EPHX1: variants seen among roughly 807,000 people sequenced by gnomAD.
EPHX1 encodes epoxide hydratase.
Under a neutral mutation model 43.2 loss-of-function variants are expected in EPHX1, and 40 were observed. That is an observed-to-expected ratio of 0.93 (90% CI 0.72 to 1.21). The LOEUF (loss-of-function observed/expected upper bound fraction) is 1.21. Ranked by LOEUF, EPHX1 falls within the 50% of genes most tolerant of loss-of-function variation. The probability of loss-of-function intolerance (pLI) is 0.00; values close to 1 mark genes in which losing one functional copy is unlikely to be tolerated. For synonymous variants in EPHX1, 221 were observed against 226.7 expected, an observed-to-expected ratio of 0.98 and a Z score of 0.22; for missense variants, 550 against 570.4, an observed-to-expected ratio of 0.96 and a Z score of 0.36.
At chr1:225,833,060 A>G (rs1043159619) in intron 3 of EPHX1, among the ~76,000 whole-genome samples, 4 of 152,192 alleles carry the variant, frequency 2.6e-5, no homozygotes, top group African/African-American at 9.7e-5. Context: ...AGGCGTGATC[A>G]TGGCTCACCA....
At chr1:225,833,608 A>C (rs1312207549) in intron 3 of EPHX1, among the ~76,000 whole-genome samples, 1 of 151,614 alleles carries the variant, frequency 6.6e-6, no homozygotes, top group East Asian at 1.9e-4. Flanking sequence ...ATCGTAGCTA[A>C]CACGGTGAAA....
At chr1:225,824,477 G>A (rs186391191) in intron 1 of EPHX1, among the ~76,000 whole-genome samples, 46 of 152,350 alleles carry the variant, frequency 3.0e-4, no homozygotes, top group Admixed American at 1.1e-3. Context: ...CAAGTTTGAT[G>A]AGTTGTGGCT....
At chr1:225,837,097 T>C (rs974463142) in intron 3 of EPHX1, among the ~76,000 whole-genome samples, 3 of 147,878 alleles carry the variant, frequency 2.0e-5, no homozygotes, top group African/African-American at 8.0e-5. Context: ...TTTTCTGGAT[T>C]CTTTGCAGTT....
intron 6 of EPHX1, 33 bp from the exon 7 acceptor site, chr1:225,842,333 T>C (rs1668495961): frequency 6.7e-7 from 1 of 1,482,496 alleles, no homozygotes; most frequent in Non-Finnish European, 9.4e-7. Context: ...TCCCCAGGCC[T>C]GAGTCTCTCC....
At chr1:225,811,941 G>C (rs1666504563) in intron 1 of EPHX1, among the ~76,000 whole-genome samples, 1 of 152,210 alleles carries the variant, frequency 6.6e-6, no homozygotes, top group African/African-American at 2.4e-5. Context: ...AAGTATGTTA[G>C]AAGATGATGT....
chr1:225,814,747 T>G (rs10915881), intron 1 of EPHX1, among the ~76,000 whole-genome samples: 1 of 152,136 alleles, frequency 6.6e-6, no homozygotes, highest in African/African-American at 2.4e-5. Context: ...CTCTGGCAAC[T>G]CAGCCTGGGA....
At chr1:225,843,023 G>A (rs1280647166) in intron 7 of EPHX1, among the ~76,000 whole-genome samples, 2 of 152,232 alleles carry the variant, frequency 1.3e-5, no homozygotes, top group Admixed American at 6.5e-5. Flanking sequence ...GTGACACACA[G>A]GACCAGACAG....
intron 1 of EPHX1, among the ~76,000 whole-genome samples, chr1:225,824,130 C>G (rs1667115227): frequency 6.6e-6 from 1 of 152,184 alleles, no homozygotes; most frequent in Admixed American, 6.5e-5. Flanking sequence ...TGGTCAGACT[C>G]TAAGACCGCC....
chr1:225,824,205 TTTC>T (rs1306314257), intron 1 of EPHX1, among the ~76,000 whole-genome samples: 1 of 150,706 alleles, frequency 6.6e-6, no homozygotes, highest in East Asian at 1.9e-4. Flanking sequence ...GAGGGTGTTG[TTTC>T]TTATTATTAC....
At chr1:225,823,161 C>T (rs1343084149) in intron 1 of EPHX1, among the ~76,000 whole-genome samples, 3 of 151,634 alleles carry the variant, frequency 2.0e-5, no homozygotes, top group Non-Finnish European at 2.9e-5. Context: ...GAGATTTGAA[C>T]GACCCAAAGA....
intron 2 of EPHX1, among the ~76,000 whole-genome samples, chr1:225,830,340 T>C (rs952008789): frequency 4.6e-5 from 7 of 152,150 alleles, no homozygotes; most frequent in Admixed American, 1.3e-4. Context: ...ACTGAAACAC[T>C]TGGGAAGAAG....
At chr1:225,835,382 C>CCTTTTTTT (rs1553485501) in intron 3 of EPHX1, among the ~76,000 whole-genome samples, 2 of 90,978 alleles carry the variant, frequency 2.2e-5, no homozygotes, top group Non-Finnish European at 2.1e-5. Context: ...CCACACTAGG[C>CCTTTTTTT]TTTTTTTTTT....
chr1:225,842,026 A>T (rs777792387), intron 6 of EPHX1, among the ~76,000 whole-genome samples: 1 of 152,242 alleles, frequency 6.6e-6, no homozygotes, highest in Non-Finnish European at 1.5e-5. Context: ...CAGAGCACAT[A>T]GACTGAAAAA....
chr1:225,821,434 C>T (rs1334889116), intron 1 of EPHX1, among the ~76,000 whole-genome samples: 1 of 151,516 alleles, frequency 6.6e-6, no homozygotes, highest in East Asian at 1.9e-4. Flanking sequence ...TTAGTAGAGA[C>T]GGGGTTTCAC....
intron 1 of EPHX1, among the ~76,000 whole-genome samples, chr1:225,816,436 C>T (rs1666728905): frequency 1.3e-5 from 2 of 152,088 alleles, no homozygotes; most frequent in Non-Finnish European, 2.9e-5. Context: ...AGTTTTTTCT[C>T]TGGTAATTTA....
chr1:225,813,793 T>C (rs1385543529), intron 1 of EPHX1, among the ~76,000 whole-genome samples: 9 of 152,170 alleles, frequency 5.9e-5, no homozygotes, highest in Admixed American at 5.2e-4. Flanking sequence ...GCCTGGTGGG[T>C]GGGTGTGGTT....
chr1:225,828,681 G>C, intron 1 of EPHX1, 44 bp from the exon 2 acceptor site: 4 of 1,607,116 alleles, frequency 2.5e-6, no homozygotes, highest in Non-Finnish European at 3.4e-6. Flanking sequence ...GTCAGGGCCG[G>C]GCTGGGCGGG....
intron 1 of EPHX1, among the ~76,000 whole-genome samples, chr1:225,811,569 C>T (rs1215389446): frequency 1.3e-5 from 2 of 152,214 alleles, no homozygotes; most frequent in African/African-American, 4.8e-5. Context: ...TTCGGTACCA[C>T]TGTGCAGCCT....
intron 1 of EPHX1, among the ~76,000 whole-genome samples, chr1:225,815,411 CTTTTTTT>C (rs5781415): frequency 6.4e-5 from 5 of 78,192 alleles, no homozygotes; most frequent in South Asian, 5.1e-4. Flanking sequence ...AGCTAATTTT[CTTTTTTT>C]TTTTTTTTTT....
Sources: gnomAD v4.1 joint callset for allele counts (sites outside exome capture counted in the v4.1 genomes callset) on GRCh38, gnomAD v4.1.1 for gene constraint, MANE v1.5 for transcripts, NCBI Gene and HGNC (gene_info 2026-07-23, HGNC 2026-07-21) for gene names.